SGIP1: variants seen among roughly 807,000 people sequenced by gnomAD.
SGIP1 encodes the protein SH3GL interacting endocytic adaptor 1, also known as SH3-containing GRB2-like protein 3-interacting protein 1.
In SGIP1, 38 loss-of-function variants were observed where a neutral mutation model predicts 107.5. The observed-to-expected ratio is 0.35, with a 90% confidence interval of 0.27 to 0.46. The LOEUF (loss-of-function observed/expected upper bound fraction) is 0.46, where lower values mean the gene tolerates loss of function less well. Among genes scored for constraint, SGIP1 ranks in the 20% least tolerant of loss-of-function variants. SGIP1 has a pLI of 1.00. For synonymous variants in SGIP1, 365 were observed against 366.1 expected (o/e 1.00, Z 0.03); for missense variants, 929 against 1,019.5 (o/e 0.91, Z 1.21).
rs184757693 is a variant in SGIP1 at position 66,710,903 on chromosome 1, C to T, written c.1631-8391C>T. 1.6e-3 allele frequency among the ~76,000 whole-genome samples: 246 copies of T among 152,206 alleles called. 2 individuals carry two copies. The highest frequency in any genetic ancestry group is 5.2e-3 in the African/African-American group (217 of 41,550). On this transcript the variant is annotated intron_variant, in intron 18 of 24. Transcript: ENST00000371037. ...GAAAGACAAGAAACTAAGAGACCCT[C>T]GGAATAATGTATAAAACTCTCAATT...
In SGIP1 at chr1:66,719,322, C is replaced by T. The variant is rs779615588; in HGVS notation, c.1659C>T (p.Thr553=). ...CTTCCAGGGGACCCAGCCCCCTAAC[C>T]ATGGGAGCTCAGGACACTCTCCCTG... ...EGSSRGPSPL[T]MGAQDTLPVA... The change falls in exon 19 of 25, where the codon ACC becomes ACT. Residue 553 remains threonine, a synonymous_variant. Coordinates refer to ENST00000371037, the MANE Select transcript of SGIP1 (RefSeq NM_032291.4). 2.3e-5 allele frequency: 37 copies of T among 1,613,256 alleles called. No individual in the cohort carries two copies. The highest frequency in any genetic ancestry group is 3.1e-5 in the Non-Finnish European group (36 of 1,179,556).
chr1:66,548,398 T>C (rs921168021), intron 1 of SGIP1, among the ~76,000 whole-genome samples: 1 of 152,130 alleles, frequency 6.6e-6, no homozygotes, highest in African/African-American at 2.4e-5. Context: ...ACTATTGAGG[T>C]CGGTAGGCTC....
At chr1:66,674,777 A>G (rs2084792862) in intron 12 of SGIP1, among the ~76,000 whole-genome samples, 1 of 152,218 alleles carries the variant, frequency 6.6e-6, no homozygotes, top group African/African-American at 2.4e-5. Context: ...ACTCACTGCT[A>G]ACTATTCTAA....
At chr1:66,687,699 A>G (rs1396898045) in intron 15 of SGIP1, among the ~76,000 whole-genome samples, 1 of 152,192 alleles carries the variant, frequency 6.6e-6, no homozygotes, top group African/African-American at 2.4e-5. Flanking sequence ...TAGATACCTA[A>G]CAATACCTAC....
At chr1:66,660,205 AAGAAAGAAAGAG>A (rs2081139583) in intron 7 of SGIP1, 5 of 208,522 alleles carry the variant, frequency 2.4e-5, no homozygotes, top group African/African-American at 1.8e-4. Flanking sequence ...GAAAGAAAGA[AAGAAAGAAAGAG>A]AAAGAAAGAA....
chr1:66,715,596 C>G (rs915238977), intron 18 of SGIP1, among the ~76,000 whole-genome samples: 2 of 152,024 alleles, frequency 1.3e-5, no homozygotes, highest in African/African-American at 4.8e-5. Flanking sequence ...TTGCCATCTG[C>G]GAGCTTTAAA....
chr1:66,639,246 G>C (rs1271878231), intron 4 of SGIP1, among the ~76,000 whole-genome samples: 2 of 152,138 alleles, frequency 1.3e-5, no homozygotes, highest in African/African-American at 4.8e-5. Context: ...ACTAGGAACT[G>C]AATGAACTGA....
chr1:66,606,218 C>T (rs1286696152), intron 1 of SGIP1, among the ~76,000 whole-genome samples: 1 of 152,112 alleles, frequency 6.6e-6, no homozygotes, highest in Non-Finnish European at 1.5e-5. Context: ...CCTCTGGCTA[C>T]CCACATGTAA....
At chr1:66,565,554 A>C (rs1272795301) in intron 1 of SGIP1, among the ~76,000 whole-genome samples, 1 of 151,972 alleles carries the variant, frequency 6.6e-6, no homozygotes, top group East Asian at 1.9e-4. Flanking sequence ...TGAGGCAGTA[A>C]AAAAATTCCA....
chr1:66,717,008 A>G (rs942330956), intron 18 of SGIP1, among the ~76,000 whole-genome samples: 1 of 152,150 alleles, frequency 6.6e-6, no homozygotes. Context: ...TACACTTAGT[A>G]AGATTATCTT....
chr1:66,641,434 C>T (rs1299201527), intron 5 of SGIP1, among the ~76,000 whole-genome samples: 2 of 152,072 alleles, frequency 1.3e-5, no homozygotes, highest in East Asian at 3.9e-4. Context: ...CTCTCCAACT[C>T]TGCCTTCTCT....
chr1:66,579,048 T>C (rs1241090496), intron 1 of SGIP1, among the ~76,000 whole-genome samples: 4 of 152,222 alleles, frequency 2.6e-5, no homozygotes, highest in African/African-American at 9.6e-5. Flanking sequence ...TCTCTAACCA[T>C]GTGTTTTCCT....
At chr1:66,630,811 GAAAGAAAGAAA>G in intron 2 of SGIP1, among the ~76,000 whole-genome samples, 1 of 4,856 alleles carries the variant, frequency 2.1e-4, no homozygotes. Flanking sequence ...CGGAAAGAAA[GAAAGAAAGAAA>G]GAAAGAAAGA....
chr1:66,718,000 T>G (rs533483992), intron 18 of SGIP1, among the ~76,000 whole-genome samples: 78 of 152,254 alleles, frequency 5.1e-4, no homozygotes, highest in African/African-American at 1.8e-3. Context: ...ATATTAGATA[T>G]TAGATAACTG....
intron 1 of SGIP1, among the ~76,000 whole-genome samples, chr1:66,601,320 G>T (rs2065771155): frequency 6.6e-6 from 1 of 152,044 alleles, no homozygotes; most frequent in Non-Finnish European, 1.5e-5. Flanking sequence ...AGCCGAGATC[G>T]CGCCACTGCA....
intron 1 of SGIP1, among the ~76,000 whole-genome samples, chr1:66,547,646 G>A (rs2056656519): frequency 6.6e-6 from 1 of 152,124 alleles, no homozygotes; most frequent in South Asian, 2.1e-4. Flanking sequence ...AGCTAGCCAG[G>A]GGTCTAGGTG....
At chr1:66,575,500 T>C (rs756138965) in intron 1 of SGIP1, among the ~76,000 whole-genome samples, 1 of 152,142 alleles carries the variant, frequency 6.6e-6, no homozygotes, top group African/African-American at 2.4e-5. Flanking sequence ...CTAAGTATTC[T>C]GGGCACAAAT....
intron 19 of SGIP1, among the ~76,000 whole-genome samples, chr1:66,721,444 T>G (rs899112828): frequency 1.3e-5 from 2 of 152,170 alleles, no homozygotes; most frequent in Non-Finnish European, 2.9e-5. Flanking sequence ...GGTCTCACTT[T>G]TTTGCCCAGG....
chr1:66,734,961 A>G (rs890205011), intron 21 of SGIP1, among the ~76,000 whole-genome samples: 15 of 152,264 alleles, frequency 9.9e-5, no homozygotes, highest in Middle Eastern at 3.4e-3. Context: ...TGTGATGAGA[A>G]CACTTTCCAT....
Sources: gnomAD v4.1 joint callset for allele counts (sites outside exome capture counted in the v4.1 genomes callset) on GRCh38, gnomAD v4.1.1 for gene constraint, MANE v1.5 for transcripts, NCBI Gene and HGNC (gene_info 2026-07-23, HGNC 2026-07-21) for gene names.